Variants in NRG1 observed in about 807,000 individuals in gnomAD.
The protein encoded by NRG1 is neuregulin 1.
A neutral mutation model predicts 63.8 loss-of-function variants in NRG1; 18 were observed. That is an observed-to-expected ratio of 0.28 (90% confidence interval 0.19 to 0.42). The LOEUF (loss-of-function observed/expected upper bound fraction) is 0.42. Ranked by LOEUF, NRG1 falls within the 10% of genes least tolerant of loss-of-function variation. NRG1 has a pLI of 1.00. For synonymous variants in NRG1, 302 were observed against 301.3 expected, an observed-to-expected ratio of 1.00 and a Z score of -0.02; for missense variants, 762 against 814.7, an observed-to-expected ratio of 0.94 and a Z score of 0.79.
At chr8:32,639,573 CT>C (rs1235768654) in intron 5 of NRG1, among the ~76,000 whole-genome samples, 1 of 152,202 alleles carries the variant, frequency 6.6e-6, no homozygotes, top group Non-Finnish European at 1.5e-5. Context: ...AGCTGGTACT[CT>C]CTTATGAGTA....
chr8:31,788,982 C>A (rs889464923), intron 1 of NRG1, among the ~76,000 whole-genome samples: 3 of 152,144 alleles, frequency 2.0e-5, no homozygotes, highest in African/African-American at 7.2e-5. Context: ...GAGAACTGCC[C>A]ATTATAACCA....
chr8:31,917,798 G>T (rs1217241269), intron 1 of NRG1, among the ~76,000 whole-genome samples: 4 of 152,154 alleles, frequency 2.6e-5, no homozygotes, highest in Non-Finnish European at 5.9e-5. Context: ...ACCTTGGGCA[G>T]TATGGCCATT....
At chr8:32,082,055 T>C (rs1443191068) in intron 1 of NRG1, among the ~76,000 whole-genome samples, 2 of 152,100 alleles carry the variant, frequency 1.3e-5, no homozygotes, top group Admixed American at 1.3e-4. Flanking sequence ...TAGATGCTAC[T>C]GTGAGAGACT....
chr8:32,755,269 T>C (rs574862362), intron 8 of NRG1, among the ~76,000 whole-genome samples: 95 of 152,304 alleles, frequency 6.2e-4, no homozygotes, highest in African/African-American at 2.3e-3. Context: ...TACATATAAC[T>C]TACATTTCAA....
intron 1 of NRG1, among the ~76,000 whole-genome samples, chr8:32,324,974 A>G (rs1297480221): frequency 6.6e-6 from 1 of 152,184 alleles, no homozygotes; most frequent in Non-Finnish European, 1.5e-5. Flanking sequence ...AGGTTGTCCG[A>G]ATGTTTAAAT....
chr8:32,030,420 CTGA>C (rs1380301211), intron 1 of NRG1: 1 of 152,220 alleles, frequency 6.6e-6, no homozygotes, highest in African/African-American at 2.4e-5. Flanking sequence ...TGGCCAGACA[CTGA>C]TGCTAAAGTC....
At position 32,742,947 on chromosome 8, in the gene NRG1, G is replaced by A; in HGVS notation, c.691+214G>A. 7.1e-7 allele frequency: 1 copy of A among 1,412,220 alleles called. No individual in the cohort carries two copies. Among genetic ancestry groups the A allele is most frequent in the Non-Finnish European group, 9.3e-7 (1 of 1,080,600 alleles). The allele number at this position is 1,412,220 out of a possible 1,614,324, so 87.5% of individuals were successfully genotyped here. A position where few individuals can be genotyped will look rare whatever the true frequency, so the allele number is the denominator to read the frequency against. On this transcript the variant is annotated intron_variant, in intron 7 of 11. Transcript: ENST00000356819. The surrounding 1 kb of genome is among the most constrained non-coding windows in gnomAD (Gnocchi z 4.2). ...ACTAGTTGGCTCTGAGATACTAATA[G>A]GTGTGTGAGGCTCCGGATGTTTCTG...
intron 1 of NRG1, among the ~76,000 whole-genome samples, chr8:32,519,697 A>G (rs146203517): frequency 2.0e-5 from 3 of 152,288 alleles, no homozygotes; most frequent in African/African-American, 7.2e-5. Flanking sequence ...ACTCTTTTAG[A>G]TAATACAGGA....
chr8:32,346,862 C>G (rs936141371), intron 1 of NRG1, among the ~76,000 whole-genome samples: 12 of 150,622 alleles, frequency 8.0e-5, no homozygotes, highest in African/African-American at 2.7e-4. Flanking sequence ...TGGAGTCTTG[C>G]TCTGTTGCCC....
At chr8:32,520,161 C>T (rs970340443) in intron 1 of NRG1, among the ~76,000 whole-genome samples, 1 of 151,996 alleles carries the variant, frequency 6.6e-6, no homozygotes, top group Non-Finnish European at 1.5e-5. Flanking sequence ...CTTTTGTTTT[C>T]TTCTGTTGTT....
chr8:32,241,367 T>TC (rs1373711435), intron 1 of NRG1, among the ~76,000 whole-genome samples: 1 of 152,194 alleles, frequency 6.6e-6, no homozygotes, highest in African/African-American at 2.4e-5. Context: ...ATAGTTTCCT[T>TC]CCCCCTCAGT....
chr8:32,471,260 TTATC>T (rs947951199), intron 1 of NRG1, among the ~76,000 whole-genome samples: 1 of 152,234 alleles, frequency 6.6e-6, no homozygotes, highest in African/African-American at 2.4e-5. Flanking sequence ...ATAAGATTCT[TTATC>T]TATATGGCAT....
At chr8:32,525,906 AT>A (rs2129511963) in intron 1 of NRG1, among the ~76,000 whole-genome samples, 1 of 152,262 alleles carries the variant, frequency 6.6e-6, no homozygotes, top group East Asian at 1.9e-4. Context: ...ATCTGATAAA[AT>A]TTTAATGTCT....
intron 1 of NRG1, among the ~76,000 whole-genome samples, chr8:32,492,621 G>A (rs1463413545): frequency 6.6e-6 from 1 of 152,086 alleles, no homozygotes; most frequent in Non-Finnish European, 1.5e-5. Context: ...TCTAAAATAT[G>A]AGGATTTCCA....
intron 1 of NRG1, among the ~76,000 whole-genome samples, chr8:32,222,491 G>T (rs1461606140): frequency 6.6e-6 from 1 of 151,882 alleles, no homozygotes; most frequent in Non-Finnish European, 1.5e-5. Flanking sequence ...AAGAAAGAAA[G>T]AAAAAAAGAA....
chr8:31,987,312 ACAT>A (rs1563651175), intron 1 of NRG1, among the ~76,000 whole-genome samples: 2 of 112,836 alleles, frequency 1.8e-5, no homozygotes, highest in African/African-American at 9.3e-5. Context: ...AAAAAAAAAA[ACAT>A]ATATATGTGT....
chr8:32,033,217 C>T (rs1374947419), intron 1 of NRG1, among the ~76,000 whole-genome samples: 1 of 151,608 alleles, frequency 6.6e-6, no homozygotes, highest in Non-Finnish European at 1.5e-5. Flanking sequence ...GCCTCAGCCT[C>T]CCGAGTAGAT....
At chr8:32,199,036 A>G (rs375805384) in intron 1 of NRG1, among the ~76,000 whole-genome samples, 6 of 152,246 alleles carry the variant, frequency 3.9e-5, no homozygotes, top group African/African-American at 1.2e-4. Flanking sequence ...GTAGTAGACT[A>G]TGACCGCTCT....
rs191052298 is a variant in NRG1 at position 31,917,322 on chromosome 8, G to A, written c.37+277891G>A. On this transcript the variant is annotated intron_variant, in intron 1 of 10. Coordinates refer to the NRG1 transcript ENST00000519301. ...TGGTAATGCCTAGGTTTTCTTCTAC[G>A]GTTTTTATGGCTTTAGGTCTAACGT... Among the ~76,000 whole-genome samples the A allele has an allele frequency of 4.0e-3, 594 of 150,240 alleles. 2 individuals carry two copies. Among genetic ancestry groups the A allele is most frequent in the Admixed American group, 0.01 (152 of 14,952 alleles).
Sources: gnomAD v4.1 joint callset for allele counts (sites outside exome capture counted in the v4.1 genomes callset) on GRCh38, gnomAD v4.1.1 for gene constraint, Gnocchi (gnomAD v3.1) non-coding constraint, MANE v1.5 for transcripts, NCBI Gene and HGNC (gene_info 2026-07-23, HGNC 2026-07-21) for gene names.